Variants in WWOX observed in about 807,000 individuals in gnomAD.
The protein encoded by WWOX is WW domain containing oxidoreductase.
WWOX carries 69 observed loss-of-function variants against 46.2 expected under a neutral mutation model. That is an observed-to-expected ratio of 1.49 (90% CI 1.23 to 1.82). WWOX has a LOEUF of 1.82. Among genes scored for constraint, WWOX ranks in the 40% most tolerant of loss-of-function variants. The pLI, the probability that WWOX is intolerant of heterozygous loss-of-function variation, is 0.00. For missense variants in WWOX, 919 were observed against 542.6 expected (o/e 1.69, Z -6.89); for synonymous variants, 359 against 202.6 (o/e 1.77, Z -6.56).
intron 8 of WWOX, among the ~76,000 whole-genome samples, chr16:78,954,474 T>G (rs966926428): frequency 1.3e-5 from 2 of 152,156 alleles, no homozygotes; most frequent in Admixed American, 6.5e-5. Flanking sequence ...CTTTTATATT[T>G]TACTAAAAAT....
intron 8 of WWOX, among the ~76,000 whole-genome samples, chr16:78,925,253 C>T (rs1347139469): frequency 6.6e-6 from 1 of 152,068 alleles, no homozygotes; most frequent in Non-Finnish European, 1.5e-5. Flanking sequence ...GCCACATGAC[C>T]AAGGCTGATC....
rs1449036159 is a variant in WWOX at position 78,196,460 on chromosome 16, G to T, written c.516+32171G>T. ...AAATCTGAGCTGCTTTTTAAAGAAG[G>T]CCGTTTTTAAATAAAAATGCAAATA... is the stretch of plus-strand genomic sequence containing the variant. On this transcript the variant is annotated intron_variant, in intron 5 of 8. Transcript: ENST00000566780. 5.9e-5 allele frequency among the ~76,000 whole-genome samples: 9 copies of T among 152,248 alleles called. No individual in the cohort carries two copies. In the East Asian group the frequency reaches 9.6e-4, roughly 16 times the overall value.
chr16:78,711,144 T>C (rs1010201582), intron 8 of WWOX, among the ~76,000 whole-genome samples: 1 of 152,190 alleles, frequency 6.6e-6, no homozygotes, highest in Non-Finnish European at 1.5e-5. Context: ...GGGACCTTCT[T>C]TGTGTCCTCT....
intron 8 of WWOX, among the ~76,000 whole-genome samples, chr16:78,494,066 C>T (rs1289433329): frequency 6.6e-6 from 1 of 152,166 alleles, no homozygotes; most frequent in South Asian, 2.1e-4. Flanking sequence ...TCTCGGGAGG[C>T]CTCAGGAAAC....
chr16:79,164,438 G>C (rs2050551466), intron 8 of WWOX, among the ~76,000 whole-genome samples: 1 of 152,122 alleles, frequency 6.6e-6, no homozygotes, highest in South Asian at 2.1e-4. Context: ...CTGACTTTGA[G>C]GTCCTCATTA....
At chr16:78,574,474 T>C (rs2044798345) in intron 8 of WWOX, among the ~76,000 whole-genome samples, 1 of 152,072 alleles carries the variant, frequency 6.6e-6, no homozygotes, top group Non-Finnish European at 1.5e-5. Context: ...CTGAATCCTA[T>C]CTAAAGTTGT....
At chr16:79,077,581 A>C (rs2048681721) in intron 8 of WWOX, 1 of 151,740 alleles carries the variant, frequency 6.6e-6, no homozygotes, top group African/African-American at 2.4e-5. Context: ...CAAATTGTCA[A>C]GTACTTAAAG....
At chr16:79,194,860 A>G (rs1186935382) in intron 8 of WWOX, among the ~76,000 whole-genome samples, 1 of 152,140 alleles carries the variant, frequency 6.6e-6, no homozygotes. Flanking sequence ...GTCTAAGCAG[A>G]TGCTCCCAGA....
chr16:78,990,924 C>T (rs1597246247), intron 8 of WWOX, among the ~76,000 whole-genome samples: 1 of 152,198 alleles, frequency 6.6e-6, no homozygotes, highest in East Asian at 1.9e-4. Flanking sequence ...AGAGAGGTGT[C>T]ATGCTGAGAA....
At chr16:79,021,059 A>G (rs757105198) in intron 8 of WWOX, among the ~76,000 whole-genome samples, 3 of 152,228 alleles carry the variant, frequency 2.0e-5, no homozygotes, top group African/African-American at 4.8e-5. Context: ...GGAGAGCAAG[A>G]GATGTTCATT....
At chr16:78,364,658 CTT>C (rs2081492568) in intron 5 of WWOX, among the ~76,000 whole-genome samples, 11 of 99,176 alleles carry the variant, frequency 1.1e-4, no homozygotes, top group Non-Finnish European at 2.2e-4. Context: ...TGTGGGTGCT[CTT>C]TCTCTATAAT....
At chr16:78,747,141 A>T (rs929176393) in intron 8 of WWOX, among the ~76,000 whole-genome samples, 1 of 149,738 alleles carries the variant, frequency 6.7e-6, no homozygotes, top group Non-Finnish European at 1.5e-5. Context: ...GCTTTTGTAC[A>T]TGTTGTTTCT....
intron 8 of WWOX, among the ~76,000 whole-genome samples, chr16:78,739,301 A>C (rs1343643534): frequency 6.6e-6 from 1 of 152,234 alleles, no homozygotes; most frequent in East Asian, 1.9e-4. Context: ...CAAGATGGTC[A>C]TACTGGGTTT....
Position 78,547,146 on chromosome 16 carries a change from A to AAAAC in WWOX, c.1056+114397_1056+114398insCAAA, listed in dbSNP as rs1567635725. Among the ~76,000 whole-genome samples the AAAAC allele has an allele frequency of 7.5e-5, 11 of 146,398 alleles. 1 individual carries two copies. Among genetic ancestry groups the AAAAC allele is most frequent in the Non-Finnish European group, 1.7e-4 (11 of 65,896 alleles). On this transcript the variant is annotated intron_variant, in intron 8 of 8. Transcript: ENST00000566780. ...GTCTCAGAAAAAAAAAAAAAAAAAA[A>AAAAC]AAAAAAAAAAAAACAACTACCAGGC...
chr16:78,472,053 A>G (rs1020315092), intron 8 of WWOX, among the ~76,000 whole-genome samples: 5 of 152,160 alleles, frequency 3.3e-5, no homozygotes, highest in Non-Finnish European at 5.9e-5. Context: ...TATGATGCCA[A>G]TTTGCCCACA....
intron 8 of WWOX, among the ~76,000 whole-genome samples, chr16:78,803,876 G>C (rs774953033): frequency 3.3e-5 from 5 of 152,102 alleles, no homozygotes; most frequent in African/African-American, 4.8e-5. Context: ...GTACTGCTTC[G>C]TTTCTCCCAA....
chr16:78,792,240 T>A (rs1374140922), intron 8 of WWOX, among the ~76,000 whole-genome samples: 1 of 152,176 alleles, frequency 6.6e-6, no homozygotes, highest in African/African-American at 2.4e-5. Flanking sequence ...TGCTCATCTT[T>A]CTCACGAGTC....
At chr16:78,449,704 T>G (rs1487881509) in intron 8 of WWOX, among the ~76,000 whole-genome samples, 1 of 152,208 alleles carries the variant, frequency 6.6e-6, no homozygotes, top group East Asian at 1.9e-4. Context: ...AGGTAAGATT[T>G]AGTCATTTAA....
intron 5 of WWOX, among the ~76,000 whole-genome samples, chr16:78,191,943 A>T (rs1443030781): frequency 6.6e-6 from 1 of 152,206 alleles, no homozygotes; most frequent in Non-Finnish European, 1.5e-5. Context: ...CACAGAGAAC[A>T]CTAAAATTGG....
Sources: allele counts gnomAD v4.1 joint callset (sites outside exome capture counted in the v4.1 genomes callset), GRCh38; gene constraint gnomAD v4.1.1; transcripts MANE v1.5; gene names NCBI Gene and HGNC (gene_info 2026-07-23, HGNC 2026-07-21).